CNTN1: variants seen among roughly 807,000 people sequenced by gnomAD.
The protein encoded by CNTN1 is contactin 1, also known as contactin-1.
Under a neutral mutation model 126.4 loss-of-function variants are expected in CNTN1, and 38 were observed. The ratio of observed to expected loss-of-function variants is 0.30; its 90% CI spans 0.23 to 0.39. CNTN1 has a LOEUF of 0.39. Ranked by LOEUF, CNTN1 falls within the 10% of genes least tolerant of loss-of-function variation. The pLI is 1.00. For missense variants in CNTN1, 1,009 were observed against 1,248.4 expected, an observed-to-expected ratio of 0.81 and a Z score of 2.89; for synonymous variants, 413 against 422.6, an observed-to-expected ratio of 0.98 and a Z score of 0.28.
At chr12:40,796,579 G>A (rs777802119) in intron 1 of CNTN1, among the ~76,000 whole-genome samples, 6 of 152,096 alleles carry the variant, frequency 3.9e-5, no homozygotes, top group African/African-American at 1.4e-4. Context: ...CTGATGCTGA[G>A]GTGAGCTTCC....
intron 1 of CNTN1, among the ~76,000 whole-genome samples, chr12:40,707,323 A>C (rs565939285): frequency 7.3e-6 from 1 of 137,302 alleles, no homozygotes; most frequent in Non-Finnish European, 1.5e-5. Flanking sequence ...ATCTCAGCTC[A>C]CTACAAGCTC....
intron 1 of CNTN1, among the ~76,000 whole-genome samples, chr12:40,857,475 A>G (rs75296367): frequency 0.099 from 15,033 of 152,102 alleles, 876 homozygotes; most frequent in Non-Finnish European, 0.13. Flanking sequence ...GTTGACAGAG[A>G]AAGCAGCCTG....
At chr12:40,880,324 G>T (rs1241478075) in intron 1 of CNTN1, among the ~76,000 whole-genome samples, 1 of 151,942 alleles carries the variant, frequency 6.6e-6, no homozygotes, top group Non-Finnish European at 1.5e-5. Flanking sequence ...TTTCCTTTTA[G>T]TAAGTTTTTA....
At chr12:40,959,019 A>C (rs1286791114) in intron 14 of CNTN1, 95 bp from the exon 15 acceptor site, 23 of 1,490,156 alleles carry the variant, frequency 1.5e-5, no homozygotes, top group Non-Finnish European at 9.3e-7. Context: ...AGTGGTGTTC[A>C]TTTTGTTAGG....
intron 1 of CNTN1, among the ~76,000 whole-genome samples, chr12:40,832,216 A>G (rs926553712): frequency 6.6e-6 from 1 of 152,166 alleles, no homozygotes; most frequent in Non-Finnish European, 1.5e-5. Context: ...ATAAATTCTC[A>G]GCATTTCTTT....
chr12:40,854,535 A>T (rs1942829491), intron 1 of CNTN1, among the ~76,000 whole-genome samples: 1 of 152,120 alleles, frequency 6.6e-6, no homozygotes, highest in South Asian at 2.1e-4. Flanking sequence ...TGGATCAGAA[A>T]CTAGCTGGAG....
intron 16 of CNTN1, among the ~76,000 whole-genome samples, chr12:40,990,652 A>T (rs2120481478): frequency 6.6e-6 from 1 of 152,190 alleles, no homozygotes; most frequent in South Asian, 2.1e-4. Context: ...TTCATACTGG[A>T]TCCTCACACT....
intron 23 of CNTN1, among the ~76,000 whole-genome samples, chr12:41,043,725 A>G (rs1949475203): frequency 6.6e-6 from 1 of 151,986 alleles, no homozygotes; most frequent in Non-Finnish European, 1.5e-5. Context: ...CACTATTCCC[A>G]ATAGCAAAGA....
Position 40,714,741 on chromosome 12 carries a change from G to A in CNTN1, c.-77+22149G>A, listed in dbSNP as rs565909906. Reference sequence around the variant, plus strand: ...AGTGACTATATCATATGAATATTCTGCAGCTTCTGAAACTTTGGGATTTTG... The same window carrying A: ...AGTGACTATATCATATGAATATTCTACAGCTTCTGAAACTTTGGGATTTTG... On this transcript the variant is annotated intron_variant, in intron 1 of 23. Coordinates refer to ENST00000551295, the MANE Select transcript of CNTN1 (RefSeq NM_001843.4). 2.0e-5 allele frequency among the ~76,000 whole-genome samples: 3 copies of A among 152,174 alleles called. No homozygotes were observed. The South Asian group carries it at 6.2e-4, about 32-fold the overall frequency.
At chr12:40,713,076 G>C (rs943959995) in intron 1 of CNTN1, among the ~76,000 whole-genome samples, 4 of 152,102 alleles carry the variant, frequency 2.6e-5, no homozygotes, top group Admixed American at 6.6e-5. Flanking sequence ...TTTGGCTCAT[G>C]GTTCTGCAAA....
chr12:40,915,074 C>T (rs754175853), intron 3 of CNTN1, among the ~76,000 whole-genome samples: 4 of 151,994 alleles, frequency 2.6e-5, no homozygotes, highest in African/African-American at 7.2e-5. Context: ...AACATATTCT[C>T]AGTTTTCTGA....
chr12:40,857,975 C>T (rs894155906), intron 1 of CNTN1, among the ~76,000 whole-genome samples: 1 of 152,116 alleles, frequency 6.6e-6, no homozygotes, highest in Non-Finnish European at 1.5e-5. Context: ...ATCTCAATTT[C>T]TTTGGGTTAG....
chr12:40,949,648 G>A (rs953431837), intron 14 of CNTN1, among the ~76,000 whole-genome samples: 5 of 136,618 alleles, frequency 3.7e-5, no homozygotes, highest in African/African-American at 1.1e-4. Flanking sequence ...ACGCAATCTC[G>A]GCTCACTGCA....
chr12:40,925,553 A>ACG (rs1945618519), intron 6 of CNTN1, among the ~76,000 whole-genome samples: 1 of 143,470 alleles, frequency 7.0e-6, no homozygotes, highest in South Asian at 2.1e-4. Flanking sequence ...GTGTGTATAT[A>ACG]TATACACGTA....
At chr12:40,924,897 T>G (rs1402344292) in intron 6 of CNTN1, among the ~76,000 whole-genome samples, 1 of 147,232 alleles carries the variant, frequency 6.8e-6, no homozygotes, top group Non-Finnish European at 1.5e-5. Flanking sequence ...TATATATATA[T>G]AGTATTATGT....
At chr12:40,956,303 G>A (rs781680410) in intron 14 of CNTN1, among the ~76,000 whole-genome samples, 1 of 152,048 alleles carries the variant, frequency 6.6e-6, no homozygotes, top group Non-Finnish European at 1.5e-5. Context: ...TAAAACAGAC[G>A]TATTTCCTCA....
intron 1 of CNTN1, among the ~76,000 whole-genome samples, chr12:40,766,498 G>A (rs907080694): frequency 6.6e-6 from 1 of 152,174 alleles, no homozygotes; most frequent in Non-Finnish European, 1.5e-5. Flanking sequence ...AATTAGAAAT[G>A]TGTGTATGTA....
At chr12:41,031,527 A>G (rs1949145210) in intron 23 of CNTN1, among the ~76,000 whole-genome samples, 3 of 152,190 alleles carry the variant, frequency 2.0e-5, no homozygotes, top group Non-Finnish European at 4.4e-5. Flanking sequence ...CATTTTTAAC[A>G]CATTGCTCAT....
At chr12:40,753,936 CCT>C (rs1938499688) in intron 1 of CNTN1, among the ~76,000 whole-genome samples, 1 of 151,826 alleles carries the variant, frequency 6.6e-6, no homozygotes. Flanking sequence ...TAATTCATCT[CCT>C]ATTGTTGGAA....
Sources: allele counts gnomAD v4.1 joint callset (sites outside exome capture counted in the v4.1 genomes callset), GRCh38; gene constraint gnomAD v4.1.1; transcripts MANE v1.5; gene names NCBI Gene and HGNC (gene_info 2026-07-23, HGNC 2026-07-21).